The following FAM118B variants were observed in gnomAD, a reference collection of about 807,000 sequenced individuals.
FAM118B encodes the protein SIR2 antiphage like 1, also known as protein FAM118B.
FAM118B carries 24 observed loss-of-function variants against 38.5 expected under a neutral mutation model. The ratio of observed to expected loss-of-function variants is 0.62; its 90% CI spans 0.45 to 0.88. The LOEUF is 0.88. FAM118B is among the 40% of genes least tolerant of loss of function. The pLI is 0.00. For synonymous variants in FAM118B, 138 were observed against 156.3 expected (o/e 0.88, Z 0.87); for missense variants, 334 against 420.0 (o/e 0.80, Z 1.79).
Position 126,256,949 on chromosome 11 carries a change from A to C in FAM118B, c.982+97A>C. 7.7e-7 allele frequency: 1 copy of C among 1,306,398 alleles called. No homozygotes were observed. 80.9% of individuals were successfully genotyped at this position (1,306,398 alleles called of 1,614,324 possible). A position where few individuals can be genotyped will look rare whatever the true frequency, so the allele number is the denominator to read the frequency against. ...GATGGGCAAAATAGTTGCCAAGATG[A>C]GGAATGTAATGACTGACCAAATTGT... On this transcript the variant is annotated intron_variant, in intron 7 of 8. Coordinates refer to ENST00000533050, the MANE Select transcript of FAM118B (RefSeq NM_024556.4). This position sits in a 1 kb window ranked among gnomAD's most constrained non-coding sequence, Gnocchi z 6.6.
chr11:126,236,188 G>C (rs547783603), intron 3 of FAM118B, among the ~76,000 whole-genome samples: 1 of 152,270 alleles, frequency 6.6e-6, no homozygotes, highest in Admixed American at 6.5e-5. Flanking sequence ...TTCTCTGTTT[G>C]CTGGATCTCA....
chr11:126,248,878 G>A (rs1950458023), intron 4 of FAM118B, among the ~76,000 whole-genome samples: 1 of 152,166 alleles, frequency 6.6e-6, no homozygotes. Context: ...TCACAGACAG[G>A]CTAGGGATCA....
At chr11:126,241,749 C>T (rs1432161923) in intron 4 of FAM118B, among the ~76,000 whole-genome samples, 2 of 152,044 alleles carry the variant, frequency 1.3e-5, no homozygotes, top group African/African-American at 4.8e-5. Context: ...AGGGTTTTGC[C>T]ATGTTGGTCA....
chr11:126,243,349 A>G (rs1193135745), intron 4 of FAM118B, among the ~76,000 whole-genome samples: 1 of 152,122 alleles, frequency 6.6e-6, no homozygotes, highest in African/African-American at 2.4e-5. Context: ...CTGTAAGCCC[A>G]ACGCTTTGGA....
chr11:126,234,467 C>T (rs1950245385), intron 2 of FAM118B, among the ~76,000 whole-genome samples: 1 of 152,148 alleles, frequency 6.6e-6, no homozygotes, highest in Non-Finnish European at 1.5e-5. Flanking sequence ...AGAGACATGC[C>T]CCACTGGCTA....
chr11:126,244,323 A>G lies in FAM118B; in HGVS notation c.339+3279A>G, dbSNP rs1475934555. ...CCTCTGTTTGCAGATGTGATGATCT[A>G]GTCTATAGAAGATCCTAGGTTATCC... On this transcript the variant is annotated intron_variant, in intron 4 of 8. Coordinates refer to ENST00000533050, the MANE Select transcript of FAM118B (RefSeq NM_024556.4). This position sits in a 1 kb window ranked among gnomAD's most constrained non-coding sequence, Gnocchi z 4.5. Among the ~76,000 whole-genome samples, 1 of 152,222 alleles carries G rather than the reference A, an allele frequency of 6.6e-6. No homozygotes were observed. The highest frequency in any genetic ancestry group is 2.4e-5 in the African/African-American group (1 of 41,450).
intron 4 of FAM118B, among the ~76,000 whole-genome samples, chr11:126,243,641 C>T (rs759030040): frequency 9.9e-5 from 15 of 152,048 alleles, no homozygotes; most frequent in Non-Finnish European, 5.9e-5. Context: ...CGGTGGCTCA[C>T]ACCTGTAATC....
Position 126,215,734 on chromosome 11 carries a change from G to T in FAM118B, c.-77+3904G>T, listed in dbSNP as rs1489129775. The stretch of plus-strand genomic sequence containing the variant: ...AAAAAAAATGTCCTAAATGGGGGTG[G>T]GGTGCATGGCTCACACCTTAATCCC... On this transcript the variant is annotated intron_variant, in intron 1 of 8. Coordinates refer to ENST00000533050, the MANE Select transcript of FAM118B (RefSeq NM_024556.4). 2.6e-5 allele frequency among the ~76,000 whole-genome samples: 4 copies of T among 151,810 alleles called. No homozygotes were observed. The East Asian group carries it at 7.7e-4, about 29-fold the overall frequency.
At chr11:126,231,911 C>G (rs1950211061) in intron 2 of FAM118B, among the ~76,000 whole-genome samples, 1 of 152,166 alleles carries the variant, frequency 6.6e-6, no homozygotes, top group Admixed American at 6.5e-5. Context: ...TTCCCAGCTT[C>G]TGAATGTAGT....
rs750780480 is a variant in FAM118B at position 126,252,906 on chromosome 11, A to G, written c.568-1399A>G. ...AAAAACTAGCTGGGAGTGGTGGTGC[A>G]CGCCTGTAATCCCAGTTACTTGGGA... On this transcript the variant is annotated intron_variant, in intron 5 of 8. Coordinates refer to ENST00000533050, the MANE Select transcript of FAM118B (RefSeq NM_024556.4). The surrounding 1 kb of genome is among the most constrained non-coding windows in gnomAD (Gnocchi z 4.7). Among the ~76,000 whole-genome samples the G allele has an allele frequency of 6.6e-6, 1 of 151,814 alleles. No individual in the cohort carries two copies. Among genetic ancestry groups the G allele is most frequent in the Non-Finnish European group, 1.5e-5 (1 of 67,946 alleles).
chr11:126,247,706 A>C (rs1432532124), intron 4 of FAM118B, among the ~76,000 whole-genome samples: 1 of 151,784 alleles, frequency 6.6e-6, no homozygotes, highest in Non-Finnish European at 1.5e-5. Flanking sequence ...AAAACACAAA[A>C]AATTAGCCTG....
intron 6 of FAM118B, among the ~76,000 whole-genome samples, chr11:126,254,885 T>G (rs1014089094): frequency 6.6e-6 from 1 of 152,166 alleles, no homozygotes; most frequent in Admixed American, 6.5e-5. Context: ...AACTTATGGG[T>G]GTGCATGCTG....
Position 126,252,904 on chromosome 11 carries a change from G to A in FAM118B, c.568-1401G>A, listed in dbSNP as rs1827029115. ...ACAAAAACTAGCTGGGAGTGGTGGT[G>A]CACGCCTGTAATCCCAGTTACTTGG... On this transcript the variant is annotated intron_variant, in intron 5 of 8. Transcript: ENST00000533050. This position sits in a 1 kb window ranked among gnomAD's most constrained non-coding sequence, Gnocchi z 4.7. Among the ~76,000 whole-genome samples, 2 of 152,058 alleles carry A rather than the reference G, an allele frequency of 1.3e-5. No individual in the cohort carries two copies. Among genetic ancestry groups the A allele is most frequent in the Non-Finnish European group, 2.9e-5 (2 of 68,004 alleles).
Position 126,250,085 on chromosome 11 carries a change from C to A in FAM118B, c.340-421C>A, listed in dbSNP as rs967774245. On this transcript the variant is annotated intron_variant, in intron 4 of 8. Transcript: ENST00000533050. The surrounding 1 kb of genome is among the most constrained non-coding windows in gnomAD (Gnocchi z 5.1). ...TCGTATGAGATAGATAATATTTTAT[C>A]CCCGGGATTTTTTTTTTTTTTTTTG... Among the ~76,000 whole-genome samples, 7 of 137,356 alleles carry A rather than the reference C, an allele frequency of 5.1e-5. No individual in the cohort carries two copies. The highest frequency in any genetic ancestry group is 9.3e-5 in the Non-Finnish European group (6 of 64,742). The allele number at this position is 137,356 out of a possible 152,430, so 90.1% of individuals were successfully genotyped here. A position where few individuals can be genotyped will look rare whatever the true frequency, so the allele number is the denominator to read the frequency against.
rs769073520 is a variant in FAM118B, at chr11:126,235,048, G to C, written c.47G>C (p.Gly16Ala). ...GCCTCTGATATAGACGAGATTTTTGGATTCTTCAACGATGGCGAACCTCCC... is the reference window on the plus strand; with the variant it reads ...GCCTCTGATATAGACGAGATTTTTGCATTCTTCAACGATGGCGAACCTCCC... ...SQASDIDEIFGFFNDGEPPTK... is the reference protein window; with the variant it reads ...SQASDIDEIFAFFNDGEPPTK... The change falls in exon 3 of 9, where the codon GGA (glycine) becomes GCA (alanine). Residue 16 changes from glycine (G) to alanine (A), a missense_variant. Transcript: ENST00000533050. 1.9e-6 allele frequency: 3 copies of C among 1,613,950 alleles called. No individual in the cohort carries two copies. The highest frequency in any genetic ancestry group is 2.2e-5 in the South Asian group (2 of 91,078).
Position 126,261,502 on chromosome 11 carries a change from C to G in FAM118B, c.1042+18C>G. 6.2e-7 allele frequency: 1 copy of G among 1,600,534 alleles called. No individual in the cohort carries two copies. Among genetic ancestry groups the G allele is most frequent in the Non-Finnish European group, 8.6e-7 (1 of 1,167,808 alleles). ...AATAAGAGGTATACTGTTTCCTATT[C>G]TACTATTTATCACTCTGTAGCAGAA... On this transcript the variant is annotated intron_variant, in intron 8 of 8. Coordinates refer to ENST00000533050, the MANE Select transcript of FAM118B (RefSeq NM_024556.4).
At chr11:126,235,686 T>C (rs953011694) in intron 3 of FAM118B, among the ~76,000 whole-genome samples, 1 of 152,098 alleles carries the variant, frequency 6.6e-6, no homozygotes, top group African/African-American at 2.4e-5. Flanking sequence ...GCCCAGCTAA[T>C]TTTTTTGTAT....
At chr11:126,216,328 G>A (rs1949978520) in intron 1 of FAM118B, among the ~76,000 whole-genome samples, 1 of 151,098 alleles carries the variant, frequency 6.6e-6, no homozygotes, top group South Asian at 2.1e-4. Context: ...GTGAGTCGAG[G>A]TCGCACCATT....
At chr11:126,245,873 G>C (rs1950412790) in intron 4 of FAM118B, among the ~76,000 whole-genome samples, 1 of 151,964 alleles carries the variant, frequency 6.6e-6, no homozygotes, top group South Asian at 2.1e-4. Context: ...GCGCATGCCT[G>C]TAGTCACAGC....
Sources: gnomAD v4.1 joint callset for allele counts (sites outside exome capture counted in the v4.1 genomes callset) on GRCh38, gnomAD v4.1.1 for gene constraint, Gnocchi (gnomAD v3.1) non-coding constraint, MANE v1.5 for transcripts, NCBI Gene and HGNC (gene_info 2026-07-23, HGNC 2026-07-21) for gene names.